E2F5: variants seen among roughly 807,000 people sequenced by gnomAD.
The protein encoded by E2F5 is transcription factor E2F5.
E2F5 carries 23 observed loss-of-function variants against 39.1 expected under a neutral mutation model. The observed-to-expected ratio is 0.59, with a 90% CI of 0.42 to 0.83. The LOEUF (loss-of-function observed/expected upper bound fraction) is 0.83, where lower values mean the gene tolerates loss of function less well. Among genes scored for constraint, E2F5 ranks in the 40% least tolerant of loss-of-function variants. The pLI is 0.00. For missense variants in E2F5, 365 were observed against 406.7 expected (o/e 0.90, Z 0.88); for synonymous variants, 145 against 157.8 (o/e 0.92, Z 0.61).
chr8:85,177,279 T>G lies in E2F5; in HGVS notation c.-142T>G. Reference sequence around the variant, plus strand: ...ACTCCCGTGGGCGCCGCACACCTGTTGTTTGCAGCAGCCAGCGACCCGCAC... The same window carrying G: ...ACTCCCGTGGGCGCCGCACACCTGTGGTTTGCAGCAGCCAGCGACCCGCAC... On this transcript the variant is annotated 5_prime_UTR_variant, in exon 1 of 8. Transcript: ENST00000416274. 2 of 669,628 alleles carry G rather than the reference T, an allele frequency of 3.0e-6. No homozygotes were observed. The highest frequency in any genetic ancestry group is 3.7e-6 in the Non-Finnish European group (2 of 541,174). 41.5% of individuals were successfully genotyped at this position (669,628 alleles called of 1,614,324 possible). A position where few individuals can be genotyped will look rare whatever the true frequency, so the allele number is the denominator to read the frequency against.
chr8:85,212,043 G>A, intron 6 of E2F5, 114 bp from the exon 7 acceptor site: 1 of 775,436 alleles, frequency 1.3e-6, no homozygotes, highest in Non-Finnish European at 2.2e-6. Context: ...CAAAGTACTA[G>A]TACTTTAAAT....
chr8:85,185,929 A>G (rs36151101), intron 1 of E2F5, among the ~76,000 whole-genome samples: 2 of 152,212 alleles, frequency 1.3e-5, no homozygotes, highest in Admixed American at 1.3e-4. Flanking sequence ...AATTAGTTCA[A>G]CCATTGTGGA....
chr8:85,180,199 T>A (rs1346106974), intron 1 of E2F5, among the ~76,000 whole-genome samples: 1 of 151,400 alleles, frequency 6.6e-6, no homozygotes, highest in African/African-American at 2.4e-5. Context: ...TTTTGTATGT[T>A]TAGTAGAGAA....
rs1812103726 is a variant in E2F5 at position 85,177,344 on chromosome 8, C to G, written c.-77C>G. 4 of 975,200 alleles carry G rather than the reference C, an allele frequency of 4.1e-6. No individual in the cohort carries two copies. The highest frequency in any genetic ancestry group is 4.9e-6 in the Non-Finnish European group (4 of 820,692). 60.4% of individuals were successfully genotyped at this position (975,200 alleles called of 1,614,324 possible). ...GGCGGGGAAGCGGCCGCAGCGGAGCCGACCCGGCAGGTGGCCGCGGGCGGG... is the reference window on the plus strand; with the variant it reads ...GGCGGGGAAGCGGCCGCAGCGGAGCGGACCCGGCAGGTGGCCGCGGGCGGG... On this transcript the variant is annotated 5_prime_UTR_variant, in exon 1 of 8. Transcript: ENST00000416274.
chr8:85,213,561 A>AAAAAAAT, intron 7 of E2F5, 192 bp from the exon 8 acceptor site: 1 of 289,950 alleles, frequency 3.4e-6, no homozygotes, highest in East Asian at 6.3e-5. Flanking sequence ...AAAAAAAAAA[A>AAAAAAAT]GAAAAAATTA....
intron 1 of E2F5, among the ~76,000 whole-genome samples, chr8:85,184,855 A>G (rs920076646): frequency 2.6e-5 from 4 of 152,226 alleles, no homozygotes; most frequent in Admixed American, 2.0e-4. Context: ...GCTCAAGGAA[A>G]TAAGAGAGGA....
intron 6 of E2F5, among the ~76,000 whole-genome samples, chr8:85,210,129 T>C (rs992741561): frequency 2.6e-5 from 4 of 152,148 alleles, no homozygotes; most frequent in African/African-American, 4.8e-5. Flanking sequence ...GACTACTGAA[T>C]GAATGAATGA....
intron 1 of E2F5, among the ~76,000 whole-genome samples, chr8:85,180,946 C>T (rs1439037642): frequency 6.6e-6 from 1 of 151,770 alleles, no homozygotes; most frequent in Non-Finnish European, 1.5e-5. Flanking sequence ...GGTACAATCT[C>T]AGCTCATTGT....
intron 1 of E2F5, among the ~76,000 whole-genome samples, chr8:85,183,079 G>A (rs1461689592): frequency 2.0e-5 from 3 of 152,176 alleles, no homozygotes; most frequent in East Asian, 3.9e-4. Flanking sequence ...GTGAAACCCC[G>A]TTTCTACTAA....
chr8:85,201,902 C>T, intron 1 of E2F5: 1 of 489,026 alleles, frequency 2.0e-6, no homozygotes, highest in Non-Finnish European at 3.6e-6. Context: ...TTTATTTTTG[C>T]AGGCTTTGTG....
At chr8:85,184,444 G>C (rs547422227) in intron 1 of E2F5, among the ~76,000 whole-genome samples, 1 of 152,114 alleles carries the variant, frequency 6.6e-6, no homozygotes, top group Admixed American at 6.5e-5. Flanking sequence ...CATTCCCTTC[G>C]AAAACCAGTA....
intron 1 of E2F5, among the ~76,000 whole-genome samples, chr8:85,195,493 C>A (rs187604129): frequency 6.6e-6 from 1 of 151,984 alleles, no homozygotes; most frequent in Admixed American, 6.6e-5. Context: ...TTTATTTTTT[C>A]TTTTTTTCCT....
intron 1 of E2F5, among the ~76,000 whole-genome samples, chr8:85,185,084 G>A (rs1812300779): frequency 6.6e-6 from 1 of 152,158 alleles, no homozygotes; most frequent in African/African-American, 2.4e-5. Context: ...AACAAAGCTG[G>A]AGGCATCATG....
rs117021430 is a variant in E2F5, at chr8:85,211,043, G to A, written c.884-1114G>A. Among the ~76,000 whole-genome samples, 55 of 152,122 alleles carry A rather than the reference G, an allele frequency of 3.6e-4. No individual in the cohort carries two copies. In the East Asian group the frequency reaches 6.6e-3, roughly 18 times the overall value. On this transcript the variant is annotated intron_variant, in intron 6 of 7. Transcript: ENST00000416274. ...GCCCTGGGAAGCAGAATTCAGAAGC[G>A]ATGGAAACTGTAGATGTTTGCAGTT...
At chr8:85,202,373 C>A in intron 2 of E2F5, 117 bp downstream of exon 2, 1 of 720,296 alleles carries the variant, frequency 1.4e-6, no homozygotes, top group Non-Finnish European at 2.2e-6. Context: ...GGCCCCTCAG[C>A]TTTCCCTGAA....
At chr8:85,180,697 C>G (rs1316115957) in intron 1 of E2F5, among the ~76,000 whole-genome samples, 1 of 148,492 alleles carries the variant, frequency 6.7e-6, no homozygotes, top group East Asian at 2.0e-4. Flanking sequence ...CCTGCCTCAG[C>G]CTCCCGAGTA....
At chr8:85,213,033 G>A (rs1812975720) in intron 7 of E2F5, 1 of 151,758 alleles carries the variant, frequency 6.6e-6, no homozygotes, top group South Asian at 2.1e-4. Flanking sequence ...GAGTAGCTGG[G>A]ATGACAGGCA....
chr8:85,213,540 C>G (rs1231462489), intron 7 of E2F5: 1 of 99,044 alleles, frequency 1.0e-5, no homozygotes, highest in East Asian at 1.7e-4. Flanking sequence ...GAGACTCCAT[C>G]TTAAAAAAAA....
intron 1 of E2F5, among the ~76,000 whole-genome samples, chr8:85,183,296 C>G (rs188754590): frequency 3.7e-4 from 56 of 152,250 alleles, no homozygotes; most frequent in African/African-American, 1.3e-3. Flanking sequence ...TTTGTAATAC[C>G]AGGCAAACAT....
Sources: gnomAD v4.1 joint callset for allele counts (sites outside exome capture counted in the v4.1 genomes callset) on GRCh38, gnomAD v4.1.1 for gene constraint, MANE v1.5 for transcripts, NCBI Gene and HGNC (gene_info 2026-07-23, HGNC 2026-07-21) for gene names.